TRAF1: variants seen among roughly 807,000 people sequenced by gnomAD.
TRAF1 encodes TNF receptor-associated factor 1.
A neutral mutation model predicts 40.9 loss-of-function variants in TRAF1; 23 were observed. That is an observed-to-expected ratio of 0.56 (90% CI 0.40 to 0.80). The LOEUF (loss-of-function observed/expected upper bound fraction) is 0.80. TRAF1 is among the 30% of genes least tolerant of loss of function. The probability of loss-of-function intolerance (pLI) is 0.00; values close to 1 mark genes in which losing one functional copy is unlikely to be tolerated. For synonymous variants in TRAF1, 206 were observed against 218.8 expected (o/e 0.94, Z 0.52); for missense variants, 477 against 528.7 (o/e 0.90, Z 0.96).
intron 7 of TRAF1, among the ~76,000 whole-genome samples, chr9:120,906,672 C>G (rs1241215996): frequency 6.6e-6 from 1 of 152,132 alleles, no homozygotes; most frequent in Non-Finnish European, 1.5e-5. Context: ...CACCCAGAGT[C>G]CACAGTTTAC....
intron 3 of TRAF1, among the ~76,000 whole-genome samples, chr9:120,917,521 A>T (rs964923290): frequency 6.6e-6 from 1 of 152,210 alleles, no homozygotes; most frequent in African/African-American, 2.4e-5. Flanking sequence ...TGCTGCTGTA[A>T]CAAAATACCA....
chr9:120,913,294 CG>C, intron 5 of TRAF1, 33 bp downstream of exon 5: 1 of 1,564,446 alleles, frequency 6.4e-7, no homozygotes, highest in South Asian at 1.2e-5. Context: ...GGGGCTCAGC[CG>C]GGCTTGAAGG....
intron 7 of TRAF1, among the ~76,000 whole-genome samples, chr9:120,908,402 CTCTTCA>C (rs61137292): frequency 0.1 from 15,686 of 152,010 alleles, 1,170 homozygotes; most frequent in African/African-American, 0.21. Flanking sequence ...CAACCAGTCT[CTCTTCA>C]TATATTTATT....
chr9:120,919,556 A>G (rs1160240935), intron 3 of TRAF1, among the ~76,000 whole-genome samples: 3 of 152,212 alleles, frequency 2.0e-5, no homozygotes, highest in Non-Finnish European at 4.4e-5. Context: ...GAGGTCAGGG[A>G]TGCCCGGAGG....
chr9:120,923,235 T>C (rs2131634296), intron 3 of TRAF1, among the ~76,000 whole-genome samples: 1 of 152,340 alleles, frequency 6.6e-6, no homozygotes, highest in East Asian at 1.9e-4. Context: ...TGATTGGGGC[T>C]CATAACAATT....
At chr9:120,918,381 C>T (rs1295738110) in intron 3 of TRAF1, among the ~76,000 whole-genome samples, 1 of 151,700 alleles carries the variant, frequency 6.6e-6, no homozygotes, top group Non-Finnish European at 1.5e-5. Context: ...TTCCATACTA[C>T]TACTGAATAC....
intron 3 of TRAF1, among the ~76,000 whole-genome samples, chr9:120,920,273 G>C (rs1045708392): frequency 1.3e-5 from 2 of 152,208 alleles, no homozygotes; most frequent in Non-Finnish European, 2.9e-5. Context: ...CTTCAGCTCA[G>C]TACAAAGAAA....
At chr9:120,908,007 C>A (rs553373309) in intron 7 of TRAF1, among the ~76,000 whole-genome samples, 1 of 152,192 alleles carries the variant, frequency 6.6e-6, no homozygotes, top group South Asian at 2.1e-4. Flanking sequence ...ATCTTCCCAC[C>A]TAAGCCTCCC....
At chr9:120,905,301 G>A in intron 7 of TRAF1, 63 bp from the exon 8 acceptor site, 1 of 1,510,152 alleles carries the variant, frequency 6.6e-7, no homozygotes. Context: ...GGAGGCCCAG[G>A]CTTGGGCTCA....
intron 6 of TRAF1, among the ~76,000 whole-genome samples, chr9:120,909,735 T>C (rs908854711): frequency 5.3e-5 from 8 of 152,214 alleles, no homozygotes; most frequent in Non-Finnish European, 1.2e-4. Flanking sequence ...AACCAACCTA[T>C]GTTTTACAGT....
chr9:120,923,787 C>G lies in TRAF1; in HGVS notation c.146G>C (p.Gly49Ala), dbSNP rs769885609. 2 of 1,614,086 alleles carry G rather than the reference C, an allele frequency of 1.2e-6. No homozygotes were observed. Among genetic ancestry groups the G allele is most frequent in the Non-Finnish European group, 1.7e-6 (2 of 1,179,980 alleles). The change falls in exon 3 of 8, where the codon GGC becomes GCC. Residue 49 changes from glycine (G) to alanine (A), a missense_variant. Gly to Ala is a moderately conservative substitution (Grantham distance 60). Transcript: ENST00000373887. ...AGCLSENPRNGEDQICPKCRG... is the reference protein window; with the variant it reads ...AGCLSENPRNAEDQICPKCRG... ...GCATTTGGGGCAGATCTGATCCTCGCCATTCCTGGGGAAACATGGACAAAG... is the reference window on the plus strand; with the variant it reads ...GCATTTGGGGCAGATCTGATCCTCGGCATTCCTGGGGAAACATGGACAAAG...
chr9:120,924,826 G>A (rs2046628228), intron 2 of TRAF1, among the ~76,000 whole-genome samples: 1 of 152,250 alleles, frequency 6.6e-6, no homozygotes, highest in Non-Finnish European at 1.5e-5. Flanking sequence ...GATTGGTCAA[G>A]GTAGAGTGAG....
Position 120,926,307 on chromosome 9 carries a change from G to T in TRAF1, c.-226-6C>A. On this transcript the variant is annotated splice_region_variant and splice_polypyrimidine_tract_variant and intron_variant, in intron 1 of 7. Coordinates refer to ENST00000373887, the MANE Select transcript of TRAF1 (RefSeq NM_005658.5). ...CCCTGGATGGTGACTGAAGGCTTTA[G>T]GAGTGTCCAGTCATTTTTTTTTTTT... 1 of 400,122 alleles carries T rather than the reference G, an allele frequency of 2.5e-6. No individual in the cohort carries two copies. 24.8% of individuals were successfully genotyped at this position (400,122 alleles called of 1,614,324 possible).
At chr9:120,921,717 C>T (rs919966537) in intron 3 of TRAF1, among the ~76,000 whole-genome samples, 6 of 152,126 alleles carry the variant, frequency 3.9e-5, no homozygotes, top group Non-Finnish European at 5.9e-5. Flanking sequence ...CTTACTCTTA[C>T]TCTCTGAGGG....
intron 7 of TRAF1, among the ~76,000 whole-genome samples, chr9:120,906,892 C>G (rs1057120296): frequency 6.6e-6 from 1 of 152,014 alleles, no homozygotes; most frequent in African/African-American, 2.4e-5. Flanking sequence ...GTTTTGAGAC[C>G]AAGTCTCACT....
chr9:120,923,815 T>C, intron 2 of TRAF1, 23 bp from the exon 3 acceptor site: 1 of 1,610,666 alleles, frequency 6.2e-7, no homozygotes, highest in Non-Finnish European at 8.5e-7. Context: ...GGACAAAGCC[T>C]TGGAGAGAGG....
At position 120,905,135 on chromosome 9, in the gene TRAF1, T is replaced by C. The variant is rs371622560; in HGVS notation, c.1136A>G (p.Asn379Ser). The C allele has an allele frequency of 4.5e-5, 72 of 1,614,132 alleles. No individual in the cohort carries two copies. Among genetic ancestry groups the C allele is most frequent in the Non-Finnish European group, 5.3e-5 (63 of 1,180,048 alleles). Reference sequence around the variant, plus strand: ...GAAGAGTGGGCATCCACTGGCCACGTTGGTTTCACTCTGGGGCCTCTGGAA... The same window carrying C: ...GAAGAGTGGGCATCCACTGGCCACGCTGGTTTCACTCTGGGGCCTCTGGAA... ...ASFQRPQSET[N>S]VASGCPLFFP... The change falls in exon 8 of 8, where the codon AAC becomes AGC. Residue 379 changes from asparagine (N) to serine (S), a missense_variant. Physicochemically the swap from Asn to Ser is conservative, Grantham distance 46. Transcript: ENST00000373887.
chr9:120,913,894 C>G (rs757749166), intron 4 of TRAF1, among the ~76,000 whole-genome samples, 156 bp from the exon 5 acceptor site: 4 of 152,184 alleles, frequency 2.6e-5, no homozygotes, highest in Admixed American at 6.5e-5. Flanking sequence ...GAGGAAGACC[C>G]TGGCATCAGA....
At chr9:120,913,019 T>C (rs373230993) in intron 5 of TRAF1, among the ~76,000 whole-genome samples, 26 of 152,276 alleles carry the variant, frequency 1.7e-4, no homozygotes, top group African/African-American at 6.3e-4. Context: ...AGGCTGATTT[T>C]AGCTTAGTAC....
Sources: allele counts gnomAD v4.1 joint callset (sites outside exome capture counted in the v4.1 genomes callset), GRCh38; gene constraint gnomAD v4.1.1; transcripts MANE v1.5; gene names NCBI Gene and HGNC (gene_info 2026-07-23, HGNC 2026-07-21).